NLGN1: variants seen among roughly 807,000 people sequenced by gnomAD.
NLGN1 encodes neuroligin 1.
Under a neutral mutation model 65.5 loss-of-function variants are expected in NLGN1, and 12 were observed. The observed-to-expected ratio is 0.18, with a 90% CI of 0.12 to 0.30. The LOEUF (loss-of-function observed/expected upper bound fraction) is 0.30. Ranked by LOEUF, NLGN1 falls within the 10% of genes least tolerant of loss-of-function variation. The pLI, the probability that NLGN1 is intolerant of heterozygous loss-of-function variation, is 1.00. For synonymous variants in NLGN1, 350 were observed against 359.5 expected (o/e 0.97, Z 0.30); for missense variants, 750 against 1,007.1 (o/e 0.74, Z 3.46).
intron 4 of NLGN1, among the ~76,000 whole-genome samples, chr3:174,062,688 CTA>C (rs766462957): frequency 1.8e-4 from 28 of 151,884 alleles, no homozygotes; most frequent in Non-Finnish European, 1.9e-4. Context: ...TTGTTTCTAT[CTA>C]ATTTTTTTCT....
At chr3:174,184,991 G>T (rs963157965) in intron 4 of NLGN1, among the ~76,000 whole-genome samples, 2 of 152,018 alleles carry the variant, frequency 1.3e-5, no homozygotes, top group Non-Finnish European at 2.9e-5. Context: ...GAATAATAAT[G>T]CACAGCCGGG....
chr3:173,682,538 G>A (rs187309947), intron 3 of NLGN1, among the ~76,000 whole-genome samples: 29 of 133,224 alleles, frequency 2.2e-4, no homozygotes, highest in African/African-American at 7.9e-4. Flanking sequence ...GCAATGAGCC[G>A]AGATTGCACC....
intron 3 of NLGN1, among the ~76,000 whole-genome samples, chr3:173,787,291 A>G (rs1041788434): frequency 6.6e-6 from 1 of 152,176 alleles, no homozygotes; most frequent in Non-Finnish European, 1.5e-5. Context: ...AGCTGTTTCT[A>G]TCTTTCTATA....
chr3:174,097,558 GTCAC>G lies in NLGN1; in HGVS notation c.647-177749_647-177746del, dbSNP rs531673868. On this transcript the variant is annotated intron_variant, in intron 4 of 6. Coordinates refer to ENST00000457714, the Ensembl canonical transcript of NLGN1. ...GTGTTATAAACAGATAATTCTGCCA[GTCAC>G]TCACTCAACCTTTTGAATCTCAATC... Among the ~76,000 whole-genome samples, 585 of 152,282 alleles carry G rather than the reference GTCAC, an allele frequency of 3.8e-3. 12 individuals carry two copies. Among genetic ancestry groups the G allele is most frequent in the Admixed American group, 0.036 (549 of 15,284 alleles).
At chr3:173,778,345 G>T (rs1052322321) in intron 3 of NLGN1, among the ~76,000 whole-genome samples, 1 of 151,734 alleles carries the variant, frequency 6.6e-6, no homozygotes, top group Admixed American at 6.6e-5. Flanking sequence ...TAAAGGAAAA[G>T]ACTAGAGTCT....
chr3:173,818,809 G>A (rs1293290523), intron 4 of NLGN1, among the ~76,000 whole-genome samples: 1 of 149,974 alleles, frequency 6.7e-6, no homozygotes, highest in African/African-American at 2.5e-5. Context: ...CTTTTCTTCA[G>A]CCAGGGTCAG....
intron 4 of NLGN1, among the ~76,000 whole-genome samples, chr3:173,813,191 G>A (rs921505931): frequency 4.6e-5 from 7 of 152,070 alleles, no homozygotes; most frequent in Non-Finnish European, 1.0e-4. Flanking sequence ...AAAGAGCAAA[G>A]CATATTAATT....
chr3:173,712,748 T>C (rs1769183578), intron 3 of NLGN1, among the ~76,000 whole-genome samples: 1 of 152,144 alleles, frequency 6.6e-6, no homozygotes, highest in African/African-American at 2.4e-5. Context: ...AAAATCCTTA[T>C]ATATAAGTGC....
rs946032122 is a variant in NLGN1, at chr3:173,580,522, T to C, written c.-320-23757T>C. Among the ~76,000 whole-genome samples, 6 of 152,108 alleles carry C rather than the reference T, an allele frequency of 3.9e-5. No individual in the cohort carries two copies. The South Asian group carries it at 1.2e-3, about 32-fold the overall frequency. The stretch of plus-strand genomic sequence containing the variant: ...TATTCTCTTCATATAGCAACTAGTT[T>C]TATTGTTTGATCTATTAAGTCAGTC... On this transcript the variant is annotated intron_variant, in intron 2 of 6. Transcript: ENST00000457714.
intron 4 of NLGN1, among the ~76,000 whole-genome samples, chr3:173,851,227 C>T (rs1190133922): frequency 6.6e-6 from 1 of 152,040 alleles, no homozygotes; most frequent in Non-Finnish European, 1.5e-5. Context: ...TCAAATCTAA[C>T]CTCCCAAGAA....
intron 4 of NLGN1, among the ~76,000 whole-genome samples, chr3:174,251,175 C>T (rs1744708786): frequency 6.6e-6 from 1 of 152,188 alleles, no homozygotes; most frequent in Middle Eastern, 3.4e-3. Flanking sequence ...ATGGTTAATA[C>T]AAAATGAACA....
chr3:173,982,190 G>C (rs544142858), intron 4 of NLGN1, among the ~76,000 whole-genome samples: 1 of 152,126 alleles, frequency 6.6e-6, no homozygotes, highest in Non-Finnish European at 1.5e-5. Flanking sequence ...AACCATTAAC[G>C]TGTGCCTTTC....
intron 4 of NLGN1, among the ~76,000 whole-genome samples, chr3:173,911,469 T>C (rs1393246116): frequency 6.6e-6 from 1 of 152,196 alleles, no homozygotes; most frequent in Non-Finnish European, 1.5e-5. Flanking sequence ...TTTTCTCTCC[T>C]TCAATATATG....
intron 4 of NLGN1, among the ~76,000 whole-genome samples, chr3:173,887,160 T>C (rs1734495854): frequency 6.6e-6 from 1 of 152,040 alleles, no homozygotes; most frequent in African/African-American, 2.4e-5. Flanking sequence ...TTAAACAATA[T>C]TCATTTGAAA....
chr3:173,817,695 TTATAATATAGTAATC>T (rs747735775), intron 4 of NLGN1, among the ~76,000 whole-genome samples: 6 of 152,184 alleles, frequency 3.9e-5, no homozygotes, highest in Non-Finnish European at 7.4e-5. Flanking sequence ...ATATGAGAGA[TTATAATATAGTAATC>T]TATAATATAG....
At chr3:173,422,146 T>TACACACACACACACACAC (rs1553846239) in intron 1 of NLGN1, among the ~76,000 whole-genome samples, 2 of 130,234 alleles carry the variant, frequency 1.5e-5, no homozygotes, top group African/African-American at 5.6e-5. Context: ...ACACTATATA[T>TACACACACACACACACAC]ACACACACAC....
At chr3:173,973,085 A>C (rs1418391703) in intron 4 of NLGN1, among the ~76,000 whole-genome samples, 1 of 152,140 alleles carries the variant, frequency 6.6e-6, no homozygotes, top group African/African-American at 2.4e-5. Flanking sequence ...CTGTAAAATG[A>C]GGATAACTAG....
chr3:173,898,372 A>C (rs1481518019), intron 4 of NLGN1, among the ~76,000 whole-genome samples: 3 of 152,206 alleles, frequency 2.0e-5, no homozygotes, highest in Non-Finnish European at 4.4e-5. Context: ...AAGCCAGCTC[A>C]TTTTGGCTTT....
At chr3:173,827,096 A>G (rs983029) in intron 4 of NLGN1, among the ~76,000 whole-genome samples, 122,291 of 151,986 alleles carry the variant, frequency 0.8, 50,277 homozygotes, top group Non-Finnish European at 0.85. Context: ...GAGCAGCCAT[A>G]CATTCCAAGA....
Sources: gnomAD v4.1 joint callset for allele counts (sites outside exome capture counted in the v4.1 genomes callset) on GRCh38, gnomAD v4.1.1 for gene constraint, MANE v1.5 for transcripts, NCBI Gene and HGNC (gene_info 2026-07-23, HGNC 2026-07-21) for gene names.